Variants in C8orf34 observed in about 807,000 individuals in gnomAD.
The protein encoded by C8orf34 is uncharacterized protein C8orf34.
In C8orf34, 65 loss-of-function variants were observed where a neutral mutation model predicts 68.3. The observed-to-expected ratio is 0.95, with a 90% confidence interval of 0.78 to 1.17. C8orf34 has a LOEUF of 1.17. Among genes scored for constraint, C8orf34 ranks in the 50% most tolerant of loss-of-function variants. The pLI is 0.00. For missense variants in C8orf34, 664 were observed against 655.4 expected (o/e 1.01, Z -0.14); for synonymous variants, 244 against 241.2 (o/e 1.01, Z -0.11).
chr8:68,636,303 C>T (rs1028427410), intron 7 of C8orf34, among the ~76,000 whole-genome samples: 27 of 151,824 alleles, frequency 1.8e-4, no homozygotes, highest in African/African-American at 6.5e-4. Flanking sequence ...TGGGCAGGTG[C>T]AGTGGCTCAC....
At chr8:68,704,138 C>T (rs540375417) in intron 8 of C8orf34, among the ~76,000 whole-genome samples, 2 of 152,192 alleles carry the variant, frequency 1.3e-5, no homozygotes, top group East Asian at 3.9e-4. Flanking sequence ...AAATCCTTTC[C>T]TTTAAGACAC....
chr8:68,489,274 T>C (rs6472399), intron 5 of C8orf34, among the ~76,000 whole-genome samples: 68,267 of 152,014 alleles, frequency 0.45, 15,900 homozygotes, highest in African/African-American at 0.56. Flanking sequence ...ATTTGGTGAA[T>C]ACTGCTCTAG....
chr8:68,382,490 C>G (rs543518798), intron 1 of C8orf34, among the ~76,000 whole-genome samples: 2 of 152,322 alleles, frequency 1.3e-5, no homozygotes, highest in South Asian at 2.1e-4. Context: ...CTGTGTTGAA[C>G]ACAGCAGACC....
At chr8:68,771,526 T>A (rs1468249315) in intron 10 of C8orf34, among the ~76,000 whole-genome samples, 1 of 152,218 alleles carries the variant, frequency 6.6e-6, no homozygotes, top group Admixed American at 6.5e-5. Context: ...TTCATTGCAA[T>A]GCTTGTGGTT....
intron 7 of C8orf34, among the ~76,000 whole-genome samples, chr8:68,607,861 G>A (rs539548011): frequency 6.6e-6 from 1 of 151,998 alleles, no homozygotes; most frequent in African/African-American, 2.4e-5. Flanking sequence ...TTTGGCAAAG[G>A]TCATAGCTAA....
intron 7 of C8orf34, among the ~76,000 whole-genome samples, chr8:68,567,730 T>C (rs767412540): frequency 3.0e-5 from 3 of 100,444 alleles, no homozygotes; most frequent in Non-Finnish European, 6.3e-5. Context: ...GAGTCTTTTG[T>C]ATTTTTTTTT....
At chr8:68,424,399 G>C (rs952993749) in intron 1 of C8orf34, among the ~76,000 whole-genome samples, 1 of 152,050 alleles carries the variant, frequency 6.6e-6, no homozygotes, top group Non-Finnish European at 1.5e-5. Context: ...ATATTAACCA[G>C]AATGCCCAGG....
chr8:68,439,295 A>C (rs1810796193), intron 1 of C8orf34: 1 of 446,326 alleles, frequency 2.2e-6, no homozygotes, highest in Non-Finnish European at 3.9e-6. Context: ...TGTGTAATAT[A>C]GACAATTTAC....
intron 8 of C8orf34, among the ~76,000 whole-genome samples, chr8:68,651,207 T>C (rs1481152577): frequency 6.6e-6 from 1 of 152,080 alleles, no homozygotes; most frequent in African/African-American, 2.4e-5. Flanking sequence ...TAAAACCTTT[T>C]CCCAAGACTG....
chr8:68,403,338 G>C (rs527238751), intron 1 of C8orf34, among the ~76,000 whole-genome samples: 1 of 152,026 alleles, frequency 6.6e-6, no homozygotes, highest in Admixed American at 6.6e-5. Flanking sequence ...TGGAAACCTT[G>C]AGTTACTACA....
chr8:68,773,250 T>C (rs1386706324), intron 10 of C8orf34, among the ~76,000 whole-genome samples: 3 of 152,146 alleles, frequency 2.0e-5, no homozygotes, highest in Non-Finnish European at 4.4e-5. Flanking sequence ...ATCAAGCCTC[T>C]TGACTTGGGC....
intron 3 of C8orf34, among the ~76,000 whole-genome samples, chr8:68,465,428 T>A (rs1284242632): frequency 6.6e-6 from 1 of 150,886 alleles, no homozygotes; most frequent in Non-Finnish European, 1.5e-5. Context: ...AAATACCATT[T>A]GACCCAGCCA....
chr8:68,675,108 T>G (rs1240282514), intron 8 of C8orf34, among the ~76,000 whole-genome samples: 1 of 152,022 alleles, frequency 6.6e-6, no homozygotes, highest in Admixed American at 6.6e-5. Flanking sequence ...CAAAGAAAAG[T>G]TGAAAGATTT....
chr8:68,734,512 C>G (rs1262393019), intron 10 of C8orf34, among the ~76,000 whole-genome samples: 4 of 152,182 alleles, frequency 2.6e-5, no homozygotes, highest in Non-Finnish European at 5.9e-5. Context: ...ATGCTCAATT[C>G]AAATTTTGCT....
chr8:68,746,972 G>A (rs1487667204), intron 10 of C8orf34, among the ~76,000 whole-genome samples: 24 of 150,194 alleles, frequency 1.6e-4, no homozygotes, highest in Non-Finnish European at 3.4e-4. Flanking sequence ...GAACATTGAT[G>A]CAAAAATCCT....
At chr8:68,447,441 TCCCCAC>T (rs1340927619) in intron 3 of C8orf34, 1 of 152,170 alleles carries the variant, frequency 6.6e-6, no homozygotes, top group Non-Finnish European at 1.5e-5. Context: ...TGCTCTGCTA[TCCCCAC>T]ATATGTATAA....
In C8orf34 at chr8:68,395,640, T is replaced by C. The variant is rs115542441; in HGVS notation, c.328-43859T>C. Among the ~76,000 whole-genome samples, 752 of 152,294 alleles carry C rather than the reference T, an allele frequency of 4.9e-3. 5 individuals carry two copies. The highest frequency in any genetic ancestry group is 0.017 in the African/African-American group (702 of 41,578). On this transcript the variant is annotated intron_variant, in intron 1 of 13. Transcript: ENST00000518698. ...TATGGGCAATAGAAAGTTTAGAATG[T>C]ATGAAAGCTAAGATCCTTGTGGTTT...
intron 5 of C8orf34, among the ~76,000 whole-genome samples, chr8:68,504,664 C>T (rs1379805452): frequency 6.6e-6 from 1 of 150,808 alleles, no homozygotes; most frequent in East Asian, 1.9e-4. Flanking sequence ...GCATTACATG[C>T]ATGTGTCACC....
chr8:68,572,043 G>C (rs377346027), intron 7 of C8orf34, among the ~76,000 whole-genome samples: 9 of 152,182 alleles, frequency 5.9e-5, no homozygotes, highest in East Asian at 5.8e-4. Context: ...CTACAGACTT[G>C]CATAGCACGT....
Sources: allele counts gnomAD v4.1 joint callset (sites outside exome capture counted in the v4.1 genomes callset), GRCh38; gene constraint gnomAD v4.1.1; transcripts MANE v1.5; gene names NCBI Gene and HGNC (gene_info 2026-07-23, HGNC 2026-07-21).